Variants in CHSY1 observed in about 807,000 individuals in gnomAD.
The protein encoded by CHSY1 is chondroitin sulfate synthase 1.
In CHSY1, 13 loss-of-function variants were observed where a neutral mutation model predicts 59.8. The observed-to-expected ratio is 0.22, with a 90% CI of 0.14 to 0.35. CHSY1 has a LOEUF of 0.35. Ranked by LOEUF, CHSY1 falls within the 10% of genes least tolerant of loss-of-function variation. CHSY1 has a pLI of 1.00. For synonymous variants in CHSY1, 459 were observed against 401.2 expected (o/e 1.14, Z -1.72); for missense variants, 947 against 1,030.6 (o/e 0.92, Z 1.11).
Position 101,177,488 on chromosome 15 carries a change from G to A in CHSY1, c.2309C>T (p.Thr770Ile). ...AGCCAGCTGCTGGGTGGACCCATAG[G>A]TCGATGCTTTGGACCCCAAGCACAT... ...YKMCLGSKAS[T>I]YGSTQQLAEM... Residue 770 changes from threonine (T) to isoleucine (I), a missense_variant, in exon 3 of 3, where the codon ACC (threonine) becomes ATC (isoleucine). By Grantham distance (89) the Thr-to-Ile change is moderately conservative. This residue lies in a region of CHSY1 where 602 missense variants were observed against 676.9 expected (regional missense o/e 0.89). Transcript: ENST00000254190. The A allele has an allele frequency of 6.2e-7, 1 of 1,613,558 alleles. No individual in the cohort carries two copies. Among genetic ancestry groups the A allele is most frequent in the South Asian group, 1.1e-5 (1 of 91,050 alleles).
intron 1 of CHSY1, among the ~76,000 whole-genome samples, chr15:101,239,804 A>G (rs574929917): frequency 2.6e-5 from 4 of 152,270 alleles, no homozygotes; most frequent in African/African-American, 9.6e-5. Flanking sequence ...TGCAAATTTC[A>G]CGAGCATTTC....
At chr15:101,222,267 A>T (rs1345597635) in intron 2 of CHSY1, among the ~76,000 whole-genome samples, 2 of 152,334 alleles carry the variant, frequency 1.3e-5, no homozygotes, top group African/African-American at 4.8e-5. Context: ...GGCATGGAGA[A>T]GCCATCAGGA....
intron 1 of CHSY1, among the ~76,000 whole-genome samples, chr15:101,247,615 C>T (rs2039064711): frequency 6.6e-6 from 1 of 152,210 alleles, no homozygotes; most frequent in Non-Finnish European, 1.5e-5. Context: ...AACTCCACAG[C>T]TACTGTGTCA....
At chr15:101,202,714 A>AT (rs577713613) in intron 2 of CHSY1, among the ~76,000 whole-genome samples, 7 of 152,210 alleles carry the variant, frequency 4.6e-5, no homozygotes, top group South Asian at 2.1e-4. Context: ...CTCATTTAGG[A>AT]TTTTTTTTAA....
Position 101,177,073 on chromosome 15 carries a change from A to C in CHSY1, c.*315T>G. The C allele has an allele frequency of 4.2e-6, 1 of 237,806 alleles. No homozygotes were observed. 14.7% of individuals were successfully genotyped at this position (237,806 alleles called of 1,614,324 possible). A position where few individuals can be genotyped will look rare whatever the true frequency, so the allele number is the denominator to read the frequency against. On this transcript the variant is annotated 3_prime_UTR_variant, in exon 3 of 3. Coordinates refer to ENST00000254190, the MANE Select transcript of CHSY1 (RefSeq NM_014918.5). Reference sequence around the variant, plus strand: ...TTTGTTACAATAATACTTTGCAGGAATGTTCACGTTTTCTGCCATAGGACT... The same window carrying C: ...TTTGTTACAATAATACTTTGCAGGACTGTTCACGTTTTCTGCCATAGGACT...
intron 2 of CHSY1, among the ~76,000 whole-genome samples, chr15:101,225,824 G>A (rs1271289216): frequency 1.3e-5 from 2 of 152,184 alleles, no homozygotes; most frequent in South Asian, 4.1e-4. Flanking sequence ...TCTATTATGG[G>A]AATTGAGGTG....
At chr15:101,197,936 C>T (rs1404075504) in intron 2 of CHSY1, among the ~76,000 whole-genome samples, 1 of 152,110 alleles carries the variant, frequency 6.6e-6, no homozygotes, top group African/African-American at 2.4e-5. Context: ...CCCAGTCCAC[C>T]AAAGAGAGGA....
At chr15:101,219,236 T>C (rs1345186353) in intron 2 of CHSY1, among the ~76,000 whole-genome samples, 1 of 152,266 alleles carries the variant, frequency 6.6e-6, no homozygotes, top group Non-Finnish European at 1.5e-5. Context: ...TGTTCAATTA[T>C]AACTGCCTCC....
intron 2 of CHSY1, among the ~76,000 whole-genome samples, chr15:101,208,322 T>C (rs896156617): frequency 6.6e-6 from 1 of 152,228 alleles, no homozygotes; most frequent in Non-Finnish European, 1.5e-5. Context: ...CTTCGAGAGA[T>C]GGCAGACTGC....
At chr15:101,245,445 C>G (rs1489494859) in intron 1 of CHSY1, among the ~76,000 whole-genome samples, 1 of 152,198 alleles carries the variant, frequency 6.6e-6, no homozygotes, top group African/African-American at 2.4e-5. Context: ...CTTCTGCTCC[C>G]CCACAGTGAT....
chr15:101,232,879 C>G (rs2038905094), intron 2 of CHSY1, among the ~76,000 whole-genome samples: 2 of 152,230 alleles, frequency 1.3e-5, no homozygotes, highest in Admixed American at 1.3e-4. Context: ...AAGCCTGCAG[C>G]AGTCAGTCAA....
At chr15:101,249,501 A>G (rs945058809) in intron 1 of CHSY1, among the ~76,000 whole-genome samples, 13 of 146,528 alleles carry the variant, frequency 8.9e-5, no homozygotes, top group Admixed American at 7.6e-4. Context: ...CTATCGATCG[A>G]TAGATAGAAT....
intron 2 of CHSY1, among the ~76,000 whole-genome samples, chr15:101,216,889 G>C (rs192340481): frequency 2.2e-4 from 34 of 152,268 alleles, no homozygotes; most frequent in African/African-American, 7.9e-4. Context: ...AAATTTTTAC[G>C]AAATCATTTA....
At chr15:101,227,061 A>C (rs2038848303) in intron 2 of CHSY1, among the ~76,000 whole-genome samples, 2 of 152,246 alleles carry the variant, frequency 1.3e-5, no homozygotes, top group African/African-American at 2.4e-5. Flanking sequence ...TGGATATTAA[A>C]GATTTGCAGT....
intron 2 of CHSY1, among the ~76,000 whole-genome samples, chr15:101,225,737 T>C (rs1445662542): frequency 6.6e-6 from 1 of 152,190 alleles, no homozygotes; most frequent in East Asian, 1.9e-4. Flanking sequence ...ACCAGCCAAT[T>C]AAACCTCTTT....
chr15:101,249,970 C>T (rs1457305147), intron 1 of CHSY1, among the ~76,000 whole-genome samples: 5 of 152,224 alleles, frequency 3.3e-5, no homozygotes, highest in Admixed American at 2.6e-4. Context: ...CTGAAGACCA[C>T]TTTCACCTTC....
intron 2 of CHSY1, among the ~76,000 whole-genome samples, chr15:101,192,278 T>G (rs908527707): frequency 2.8e-4 from 42 of 152,230 alleles, no homozygotes; most frequent in Admixed American, 2.7e-3. Flanking sequence ...ACAAAAAGAT[T>G]AATCACAGAC....
chr15:101,189,443 G>A (rs117856833), intron 2 of CHSY1: 12,148 of 985,530 alleles, frequency 0.012, 99 homozygotes, highest in East Asian at 0.075. Flanking sequence ...CAAGGTGGAT[G>A]TAAGCCAGAA....
At chr15:101,219,406 G>A (rs909658949) in intron 2 of CHSY1, among the ~76,000 whole-genome samples, 1 of 152,240 alleles carries the variant, frequency 6.6e-6, no homozygotes, top group Non-Finnish European at 1.5e-5. Flanking sequence ...TTTCTATGCA[G>A]TTGGTAAAGG....
Sources: allele counts gnomAD v4.1 joint callset (sites outside exome capture counted in the v4.1 genomes callset), GRCh38; gene constraint gnomAD v4.1.1; regional missense constraint gnomAD v4.1.1; transcripts MANE v1.5; gene names NCBI Gene and HGNC (gene_info 2026-07-23, HGNC 2026-07-21).